Variants in SYNE2 observed in about 807,000 individuals in gnomAD.
SYNE2 encodes the protein spectrin repeat containing nuclear envelope protein 2, also known as nesprin-2.
Under a neutral mutation model 856.3 loss-of-function variants are expected in SYNE2, and 431 were observed. That is an observed-to-expected ratio of 0.50 (90% CI 0.47 to 0.55). The LOEUF (loss-of-function observed/expected upper bound fraction) is 0.55. SYNE2 is among the 20% of genes least tolerant of loss of function. The pLI is 0.00. For synonymous variants in SYNE2, 2,923 were observed against 2,872.3 expected, an observed-to-expected ratio of 1.02 and a Z score of -0.56; for missense variants, 8,129 against 8,023.2, an observed-to-expected ratio of 1.01 and a Z score of -0.50.
chr14:63,876,951 G>A (rs2094738778), intron 1 of SYNE2, among the ~76,000 whole-genome samples: 1 of 152,162 alleles, frequency 6.6e-6, no homozygotes. Context: ...ACCTGTTATT[G>A]AGGATTAACA....
chr14:63,933,267 A>G (rs28361911), intron 2 of SYNE2, among the ~76,000 whole-genome samples: 7,497 of 152,248 alleles, frequency 0.049, 613 homozygotes, highest in African/African-American at 0.17. Flanking sequence ...CTGAACTCTT[A>G]CTACCAGGGA....
intron 18 of SYNE2, 23 bp from the exon 19 acceptor site, chr14:63,986,433 A>C: frequency 6.2e-7 from 1 of 1,613,560 alleles, no homozygotes. Flanking sequence ...ACATTTTCTC[A>C]GTGGTACTTT....
intron 105 of SYNE2, among the ~76,000 whole-genome samples, 156 bp downstream of exon 105, chr14:64,213,161 C>T (rs1046067136): frequency 6.6e-5 from 10 of 152,186 alleles, no homozygotes; most frequent in African/African-American, 2.4e-4. Flanking sequence ...TTAATTTCCA[C>T]TTTTATTAAT....
Position 63,998,291 on chromosome 14 carries a change from A to G in SYNE2, c.3316A>G (p.Lys1106Glu), listed in dbSNP as rs1289538315. ...RPLQEESIME[K>E]DYSASINSLL... The stretch of plus-strand genomic sequence containing the variant: ...TCTGCAAGAAGAAAGCATTATGGAA[A>G]AGGATTACAGTGCATCTATAAATAG... The change falls in exon 26 of 116, where the codon AAG becomes GAG. Residue 1106 changes from lysine to glutamate, a missense_variant. Physicochemically the swap from Lys to Glu is moderately conservative, Grantham distance 56. Transcript: ENST00000555002. 1 of 1,613,942 alleles carries G rather than the reference A, an allele frequency of 6.2e-7. No homozygotes were observed. Among genetic ancestry groups the G allele is most frequent in the South Asian group, 1.1e-5 (1 of 91,088 alleles).
At chr14:64,056,292 T>C in intron 49 of SYNE2, 26 bp downstream of exon 49, 1 of 1,577,920 alleles carries the variant, frequency 6.3e-7, no homozygotes, top group Non-Finnish European at 8.7e-7. Flanking sequence ...AAGGTAATCT[T>C]TAAGAACATA....
chr14:63,837,918 CAAAAAAAA>C (rs34952817), intron 1 of SYNE2, among the ~76,000 whole-genome samples: 27 of 62,188 alleles, frequency 4.3e-4, no homozygotes, highest in Middle Eastern at 0.014. Context: ...GACTCTGTTT[CAAAAAAAA>C]AAAAAAAAAA....
At chr14:63,868,110 G>A (rs926995509) in intron 1 of SYNE2, among the ~76,000 whole-genome samples, 2 of 150,978 alleles carry the variant, frequency 1.3e-5, no homozygotes, top group African/African-American at 2.4e-5. Context: ...GCAAACTTGT[G>A]TAATAAATTA....
In SYNE2 at chr14:64,080,474, G is replaced by A. The variant is rs2097511455; in HGVS notation, c.11182G>A (p.Asp3728Asn). 1.2e-6 allele frequency: 2 copies of A among 1,614,182 alleles called. No homozygotes were observed. Among genetic ancestry groups the A allele is most frequent in the Non-Finnish European group, 1.7e-6 (2 of 1,180,026 alleles). The change falls in exon 56 of 116, where the codon GAT (aspartate) becomes AAT (asparagine). Residue 3728 changes from aspartate (D) to asparagine (N), a missense_variant. Physicochemically the swap from Asp to Asn is conservative, Grantham distance 23. Coordinates refer to ENST00000555002, the MANE Select transcript of SYNE2 (RefSeq NM_182914.3). ...TCTCCAGAAAATGTGGGACGAGTTAGATCTATGGCATTCCAAACTAAATGA... is the reference window on the plus strand; with the variant it reads ...TCTCCAGAAAATGTGGGACGAGTTAAATCTATGGCATTCCAAACTAAATGA... ...EIQKKMWDEL[D>N]LWHSKLNELD... is the part of the protein sequence containing the mutation.
intron 3 of SYNE2, 66 bp downstream of exon 3, chr14:63,940,741 G>T: frequency 1.4e-6 from 2 of 1,455,136 alleles, no homozygotes; most frequent in South Asian, 2.3e-5. Flanking sequence ...CTTCTGTTTT[G>T]ACCCCAAGGA....
chr14:64,023,698 T>A (rs1021308334), intron 38 of SYNE2: 3 of 180,170 alleles, frequency 1.7e-5, no homozygotes, highest in Admixed American at 5.4e-5. Context: ...GGGTAGACTA[T>A]CTATTACTTT....
At position 63,974,993 on chromosome 14, in the gene SYNE2, G is replaced by A. The variant is rs1305317829; in HGVS notation, c.1129-1570G>A. On this transcript the variant is annotated intron_variant, in intron 11 of 115. Transcript: ENST00000555002. Reference sequence around the variant, plus strand: ...GCGATCTTGGCTCACTGCAACCTCCGCCTGCCTGGCTCTGTGACGTCACTT... The same window carrying A: ...GCGATCTTGGCTCACTGCAACCTCCACCTGCCTGGCTCTGTGACGTCACTT... Among the ~76,000 whole-genome samples the A allele has an allele frequency of 4.1e-5, 6 of 147,816 alleles. No individual in the cohort carries two copies. In the East Asian group the frequency reaches 8.1e-4, roughly 20 times the overall value.
chr14:63,931,274 A>G (rs917925934), intron 2 of SYNE2, among the ~76,000 whole-genome samples: 1 of 152,142 alleles, frequency 6.6e-6, no homozygotes, highest in African/African-American at 2.4e-5. Context: ...AGGATTGGCC[A>G]GGCGCAGTGG....
At position 64,212,822 on chromosome 14, in the gene SYNE2, G is replaced by A. The variant is rs528469386; in HGVS notation, c.18873G>A (p.Gln6291=). ...TCCTCTCTCAACAGGGCTTCCAACA[G>A]GAAATTACATTAAATACCAACAAGA... is the stretch of plus-strand genomic sequence containing the variant. The part of the protein sequence containing the change: ...DKMRQLNGFQ[Q]EITLNTNKID... Residue 6291 remains glutamine (Q), a synonymous_variant, in exon 105 of 116, where the codon CAG becomes CAA. Transcript: ENST00000555002. 5 of 1,614,214 alleles carry A rather than the reference G, an allele frequency of 3.1e-6. No individual in the cohort carries two copies. The East Asian group carries it at 8.9e-5, about 29-fold the overall frequency.
chr14:64,087,772 A>G lies in SYNE2; in HGVS notation c.11586A>G (p.Gln3862=), dbSNP rs761417555. ...SIIFETDELT[Q]SIQELSNQVT... ...TTTTTGAAACAGATGAATTAACCCA[A>G]TCCATACAAGAGTTAAGTAATCAAG... Residue 3862 remains glutamine (Q), a synonymous_variant, in exon 58 of 116, where the codon CAA becomes CAG. Transcript: ENST00000555002. 2.3e-5 allele frequency: 37 copies of G among 1,614,016 alleles called. No individual in the cohort carries two copies. The African/African-American group carries it at 3.5e-4, about 15-fold the overall frequency.
At chr14:63,771,415 A>AT (rs2139706607) in intron 1 of SYNE2, among the ~76,000 whole-genome samples, 1 of 152,236 alleles carries the variant, frequency 6.6e-6, no homozygotes, top group South Asian at 2.1e-4. Flanking sequence ...ATGACTTTGG[A>AT]TAAAAATTTG....
intron 1 of SYNE2, among the ~76,000 whole-genome samples, chr14:63,766,165 G>A (rs896777226): frequency 1.9e-4 from 28 of 148,490 alleles, no homozygotes; most frequent in Admixed American, 8.1e-4. Context: ...TGCAACCTCC[G>A]CCTCCTGGGC....
At chr14:64,146,289 C>T (rs1436987752) in intron 84 of SYNE2, 66 bp downstream of exon 84, 19 of 1,446,446 alleles carry the variant, frequency 1.3e-5, no homozygotes, top group South Asian at 2.9e-5. Flanking sequence ...TCTCTTGCCC[C>T]GAGGATAAGT....
upstream of SYNE2, among the ~76,000 whole-genome samples, chr14:63,761,671 G>A (rs565957089): frequency 5.4e-4 from 82 of 152,306 alleles, no homozygotes; most frequent in Non-Finnish European, 7.5e-4. Context: ...CTGCTTCAGA[G>A]AAAGGCAGAA....
At chr14:64,029,428 A>T (rs1238046662) in intron 43 of SYNE2, among the ~76,000 whole-genome samples, 2 of 152,152 alleles carry the variant, frequency 1.3e-5, no homozygotes, top group Non-Finnish European at 2.9e-5. Context: ...TTAAGATTAC[A>T]TTTTCCTAAC....
Sources: gnomAD v4.1 joint callset for allele counts (sites outside exome capture counted in the v4.1 genomes callset) on GRCh38, gnomAD v4.1.1 for gene constraint, MANE v1.5 for transcripts, NCBI Gene and HGNC (gene_info 2026-07-23, HGNC 2026-07-21) for gene names.